The following CCSER1 variants were observed in gnomAD, a reference collection of about 807,000 sequenced individuals.
CCSER1 encodes the protein serine-rich coiled-coil domain-containing protein 1.
Under a neutral mutation model 82.0 loss-of-function variants are expected in CCSER1, and 41 were observed. The ratio of observed to expected loss-of-function variants is 0.50; its 90% CI spans 0.39 to 0.65. The LOEUF (loss-of-function observed/expected upper bound fraction) is 0.65. Ranked by LOEUF, CCSER1 falls within the 30% of genes least tolerant of loss-of-function variation. The pLI, the probability that CCSER1 is intolerant of heterozygous loss-of-function variation, is 0.00. For missense variants in CCSER1, 1,119 were observed against 1,064.2 expected (o/e 1.05, Z -0.72); for synonymous variants, 414 against 383.9 (o/e 1.08, Z -0.92).
chr4:90,927,354 C>G (rs917759766), intron 9 of CCSER1, among the ~76,000 whole-genome samples: 13 of 151,942 alleles, frequency 8.6e-5, no homozygotes, highest in African/African-American at 2.9e-4. Context: ...CATTTTTAGT[C>G]TTGAACTTGG....
At chr4:90,271,255 TAAACA>T (rs935646692) in intron 1 of CCSER1, among the ~76,000 whole-genome samples, 2 of 151,922 alleles carry the variant, frequency 1.3e-5, no homozygotes, top group Non-Finnish European at 2.9e-5. Flanking sequence ...AAAGCTATGG[TAAACA>T]AAACTGCATG....
intron 10 of CCSER1, among the ~76,000 whole-genome samples, chr4:91,209,446 C>T (rs1176056745): frequency 6.6e-6 from 1 of 151,784 alleles, no homozygotes; most frequent in Non-Finnish European, 1.5e-5. Context: ...TATTGAAAGC[C>T]TTTCCTGCAT....
At chr4:91,573,611 A>G (rs1113135) in intron 10 of CCSER1, among the ~76,000 whole-genome samples, 103,448 of 152,034 alleles carry the variant, frequency 0.68, 35,842 homozygotes, top group African/African-American at 0.82. Context: ...TTCACTCAGC[A>G]CTTCCCAGAG....
intron 10 of CCSER1, among the ~76,000 whole-genome samples, chr4:91,468,157 G>A (rs1210214079): frequency 6.6e-6 from 1 of 152,138 alleles, no homozygotes; most frequent in Non-Finnish European, 1.5e-5. Flanking sequence ...ATACTCCATG[G>A]AATACTATGC....
At chr4:90,424,908 C>T (rs1166479718) in intron 4 of CCSER1, among the ~76,000 whole-genome samples, 2 of 152,218 alleles carry the variant, frequency 1.3e-5, no homozygotes, top group Admixed American at 1.3e-4. Context: ...GTGCTGACTT[C>T]AAAATTTGAA....
At chr4:90,278,062 A>C (rs1324842177) in intron 1 of CCSER1, among the ~76,000 whole-genome samples, 1 of 152,118 alleles carries the variant, frequency 6.6e-6, no homozygotes, top group East Asian at 1.9e-4. Flanking sequence ...CAATGGACCC[A>C]CAAGCTTATG....
intron 4 of CCSER1, among the ~76,000 whole-genome samples, chr4:90,400,691 T>C (rs956084965): frequency 6.6e-6 from 1 of 152,180 alleles, no homozygotes; most frequent in African/African-American, 2.4e-5. Flanking sequence ...TGAGGGAGCC[T>C]GATATATTTG....
At chr4:90,718,734 A>G (rs1364782377) in intron 6 of CCSER1, among the ~76,000 whole-genome samples, 1 of 152,172 alleles carries the variant, frequency 6.6e-6, no homozygotes, top group Non-Finnish European at 1.5e-5. Context: ...ATTATGTATT[A>G]TAACAATAAA....
At chr4:91,279,500 A>T (rs1742747016) in intron 10 of CCSER1, among the ~76,000 whole-genome samples, 1 of 151,400 alleles carries the variant, frequency 6.6e-6, no homozygotes, top group Non-Finnish European at 1.5e-5. Context: ...CAAGTTCTGA[A>T]ACTTTTTCTT....
At chr4:90,653,301 G>T (rs1040525718) in intron 6 of CCSER1, among the ~76,000 whole-genome samples, 1 of 152,144 alleles carries the variant, frequency 6.6e-6, no homozygotes, top group Admixed American at 6.5e-5. Flanking sequence ...TTGCATATTT[G>T]TATATGAGAA....
At chr4:91,052,136 A>T (rs1377611973) in intron 9 of CCSER1, among the ~76,000 whole-genome samples, 2 of 152,058 alleles carry the variant, frequency 1.3e-5, no homozygotes, top group African/African-American at 4.8e-5. Flanking sequence ...TTTTACATAC[A>T]TTGAATAGAA....
intron 1 of CCSER1, among the ~76,000 whole-genome samples, chr4:90,164,608 G>C (rs1730114286): frequency 6.6e-6 from 1 of 152,070 alleles, no homozygotes; most frequent in Non-Finnish European, 1.5e-5. Context: ...TCCATAAAAA[G>C]AATCTAAAGT....
At chr4:91,496,626 AT>A (rs565518325) in intron 10 of CCSER1, among the ~76,000 whole-genome samples, 450 of 26,094 alleles carry the variant, frequency 0.017, 121 homozygotes, top group African/African-American at 0.027. Context: ...ACGAATATAT[AT>A]TTGAATATAT....
intron 10 of CCSER1, among the ~76,000 whole-genome samples, chr4:91,418,541 C>A (rs1199727738): frequency 6.6e-6 from 1 of 151,776 alleles, no homozygotes; most frequent in Non-Finnish European, 1.5e-5. Flanking sequence ...AATAGAAAAT[C>A]TGAACTGATC....
intron 5 of CCSER1, among the ~76,000 whole-genome samples, chr4:90,571,921 C>A (rs1011162308): frequency 4.6e-5 from 7 of 152,002 alleles, no homozygotes; most frequent in African/African-American, 1.5e-4. Flanking sequence ...ACTTATGCAG[C>A]ACTATTAGAG....
chr4:90,444,111 A>G (rs995187049), intron 4 of CCSER1, among the ~76,000 whole-genome samples: 3 of 152,004 alleles, frequency 2.0e-5, no homozygotes, highest in African/African-American at 7.2e-5. Flanking sequence ...AAAATACTCA[A>G]TTGCTTCCTA....
In CCSER1 at chr4:91,289,992, A is replaced by C. The variant is rs369535133; in HGVS notation, c.2217+203998A>C. 7.4e-4 allele frequency among the ~76,000 whole-genome samples: 113 copies of C among 152,152 alleles called. 4 individuals carry two copies. The South Asian group carries it at 0.023, about 31-fold the overall frequency. On this transcript the variant is annotated intron_variant, in intron 10 of 10. Transcript: ENST00000509176. The stretch of plus-strand genomic sequence containing the variant: ...ATCTGAAGAGGGAGAAATACATGCT[A>C]TCTACAAAGAAACAAAGACAGGATT...
At chr4:91,123,004 C>A (rs1727220528) in intron 10 of CCSER1, among the ~76,000 whole-genome samples, 1 of 151,610 alleles carries the variant, frequency 6.6e-6, no homozygotes, top group Admixed American at 6.6e-5. Context: ...TCATATAGGG[C>A]AGAATACTAT....
intron 5 of CCSER1, among the ~76,000 whole-genome samples, chr4:90,581,066 GAAT>G (rs1412043106): frequency 6.6e-6 from 1 of 151,846 alleles, no homozygotes; most frequent in Non-Finnish European, 1.5e-5. Context: ...GCAATAAATT[GAAT>G]AATATTTTTC....
Sources: gnomAD v4.1 joint callset for allele counts (sites outside exome capture counted in the v4.1 genomes callset) on GRCh38, gnomAD v4.1.1 for gene constraint, MANE v1.5 for transcripts, NCBI Gene and HGNC (gene_info 2026-07-23, HGNC 2026-07-21) for gene names.